Variants in RAB39A observed in about 807,000 individuals in gnomAD.
RAB39A encodes the protein ras-related protein Rab-39A.
In RAB39A, 17 loss-of-function variants were observed where a neutral mutation model predicts 20.9. The observed-to-expected ratio is 0.81, with a 90% CI of 0.56 to 1.22. RAB39A has a LOEUF of 1.22. Among genes scored for constraint, RAB39A ranks in the 50% most tolerant of loss-of-function variants. The probability of loss-of-function intolerance (pLI) is 0.00; values close to 1 mark genes in which losing one functional copy is unlikely to be tolerated. For synonymous variants in RAB39A, 99 were observed against 103.4 expected (o/e 0.96, Z 0.26); for missense variants, 234 against 270.5 (o/e 0.87, Z 0.95).
chr11:107,933,845 G>A (rs2442690), intron 1 of RAB39A, among the ~76,000 whole-genome samples: 38,809 of 150,896 alleles, frequency 0.26, 6,081 homozygotes, highest in South Asian at 0.42. Context: ...TAGTAGAGAC[G>A]AGGTTTCACC....
chr11:107,951,265 C>A (rs1192548875), intron 1 of RAB39A, among the ~76,000 whole-genome samples: 1 of 152,120 alleles, frequency 6.6e-6, no homozygotes, highest in Admixed American at 6.5e-5. Context: ...TGCTGAGGGC[C>A]ACAAGGCAAG....
chr11:107,936,919 G>C (rs1186056901), intron 1 of RAB39A, among the ~76,000 whole-genome samples: 1 of 145,034 alleles, frequency 6.9e-6, no homozygotes, highest in Non-Finnish European at 1.5e-5. Flanking sequence ...GGGTGACAGA[G>C]CGAGACTCCC....
intron 1 of RAB39A, among the ~76,000 whole-genome samples, chr11:107,958,677 TATA>T (rs1565467062): frequency 6.6e-6 from 1 of 152,256 alleles, no homozygotes; most frequent in African/African-American, 2.4e-5. Flanking sequence ...AGGGTTTTTT[TATA>T]ATGTGTATTA....
intron 1 of RAB39A, among the ~76,000 whole-genome samples, chr11:107,955,828 A>T (rs748549243): frequency 4.6e-5 from 7 of 152,190 alleles, no homozygotes; most frequent in Non-Finnish European, 8.8e-5. Context: ...ACAAGAGTGA[A>T]ACTCCATCTC....
intron 1 of RAB39A, among the ~76,000 whole-genome samples, chr11:107,949,854 T>A (rs1861357087): frequency 1.3e-5 from 2 of 152,182 alleles, no homozygotes; most frequent in African/African-American, 2.4e-5. Flanking sequence ...ACTACCCATT[T>A]AAATGCAGTA....
At chr11:107,948,704 T>C (rs577466357) in intron 1 of RAB39A, among the ~76,000 whole-genome samples, 306 of 152,260 alleles carry the variant, frequency 2.0e-3, no homozygotes, top group African/African-American at 7.1e-3. Context: ...CCTCCCAAAG[T>C]GCTGGGATTA....
Position 107,962,455 on chromosome 11 carries a change from A to G in RAB39A, c.*83A>G, listed in dbSNP as rs576250306. On this transcript the variant is annotated 3_prime_UTR_variant, in exon 2 of 2. Transcript: ENST00000320578. ...CCAACATTAACAGCAGAATGATGCA[A>G]TGAAAGAATTTAAAAAGGTTACAAA... is the stretch of plus-strand genomic sequence containing the variant. 3.1e-6 allele frequency: 4 copies of G among 1,293,808 alleles called. No homozygotes were observed. In the Admixed American group the frequency reaches 7.7e-5, roughly 25 times the overall value. The allele number at this position is 1,293,808 out of a possible 1,614,324, so 80.1% of individuals were successfully genotyped here.
At chr11:107,947,313 T>A (rs1029814395) in intron 1 of RAB39A, among the ~76,000 whole-genome samples, 14 of 152,086 alleles carry the variant, frequency 9.2e-5, no homozygotes, top group African/African-American at 3.4e-4. Context: ...TTCACCATGT[T>A]AGCCAGGATG....
intron 1 of RAB39A, among the ~76,000 whole-genome samples, chr11:107,940,448 G>C (rs1230410844): frequency 1.3e-5 from 2 of 151,758 alleles, no homozygotes; most frequent in African/African-American, 4.8e-5. Context: ...ATTTTTAATA[G>C]AGAAGGGGTT....
chr11:107,943,832 T>G (rs1402099061), intron 1 of RAB39A, among the ~76,000 whole-genome samples: 3 of 152,036 alleles, frequency 2.0e-5, no homozygotes, highest in Admixed American at 1.3e-4. Flanking sequence ...CAGTGGCTCA[T>G]GCCTGTAATC....
intron 1 of RAB39A, among the ~76,000 whole-genome samples, chr11:107,930,513 A>G (rs1455322001): frequency 6.6e-6 from 1 of 152,224 alleles, no homozygotes; most frequent in Non-Finnish European, 1.5e-5. Context: ...AGTTGCAACT[A>G]CAAGACACAT....
intron 1 of RAB39A, among the ~76,000 whole-genome samples, chr11:107,947,632 G>GCA (rs886134603): frequency 6.6e-6 from 1 of 151,722 alleles, no homozygotes; most frequent in Non-Finnish European, 1.5e-5. Context: ...AAATTTCGGA[G>GCA]CACTGGAACC....
chr11:107,933,690 T>C (rs1431171175), intron 1 of RAB39A, among the ~76,000 whole-genome samples: 1 of 146,040 alleles, frequency 6.8e-6, no homozygotes, highest in African/African-American at 2.6e-5. Flanking sequence ...TTTTTTTTTT[T>C]TTGAGATGGA....
At chr11:107,942,314 C>A (rs1861268487) in intron 1 of RAB39A, among the ~76,000 whole-genome samples, 1 of 152,118 alleles carries the variant, frequency 6.6e-6, no homozygotes, top group Non-Finnish European at 1.5e-5. Context: ...CTGTGGTCAA[C>A]ATTTTGGCCA....
At chr11:107,961,487 G>A (rs948559046) in intron 1 of RAB39A, among the ~76,000 whole-genome samples, 6 of 152,088 alleles carry the variant, frequency 3.9e-5, no homozygotes, top group Admixed American at 6.6e-5. Flanking sequence ...ACAGACATTC[G>A]ATCCATACTA....
chr11:107,929,425 C>T (rs1340097849), intron 1 of RAB39A, among the ~76,000 whole-genome samples: 1 of 152,022 alleles, frequency 6.6e-6, no homozygotes, highest in Non-Finnish European at 1.5e-5. Context: ...GGTCATGACC[C>T]GTGGGAATGG....
chr11:107,935,667 C>T (rs754455843), intron 1 of RAB39A, among the ~76,000 whole-genome samples: 18 of 151,606 alleles, frequency 1.2e-4, no homozygotes, highest in African/African-American at 2.7e-4. Context: ...TGAGCCACCG[C>T]GCCCAGCTAA....
intron 1 of RAB39A, among the ~76,000 whole-genome samples, chr11:107,944,648 G>A (rs960356497): frequency 1.3e-5 from 2 of 152,004 alleles, no homozygotes; most frequent in Non-Finnish European, 2.9e-5. Context: ...GCCTCCCAAC[G>A]TGCTGGGATT....
At chr11:107,946,835 C>G (rs1486855924) in intron 1 of RAB39A, among the ~76,000 whole-genome samples, 1 of 151,460 alleles carries the variant, frequency 6.6e-6, no homozygotes, top group African/African-American at 2.4e-5. Context: ...CACCTTTAAT[C>G]CTAGCACTTT....
Sources: gnomAD v4.1 joint callset for allele counts (sites outside exome capture counted in the v4.1 genomes callset) on GRCh38, gnomAD v4.1.1 for gene constraint, MANE v1.5 for transcripts, NCBI Gene and HGNC (gene_info 2026-07-23, HGNC 2026-07-21) for gene names.